CHST11: variants seen among roughly 807,000 people sequenced by gnomAD.
CHST11 encodes the protein carbohydrate sulfotransferase 11.
CHST11 carries 9 observed loss-of-function variants against 30.4 expected under a neutral mutation model. That is an observed-to-expected ratio of 0.30 (90% CI 0.18 to 0.52). The LOEUF (loss-of-function observed/expected upper bound fraction) is 0.52, where lower values mean the gene tolerates loss of function less well. Ranked by LOEUF, CHST11 falls within the 20% of genes least tolerant of loss-of-function variation. The pLI is 0.97. For missense variants in CHST11, 348 were observed against 460.6 expected, an observed-to-expected ratio of 0.76 and a Z score of 2.24; for synonymous variants, 152 against 187.8, an observed-to-expected ratio of 0.81 and a Z score of 1.56.
chr12:104,586,631 A>G (rs2038806961), intron 1 of CHST11, among the ~76,000 whole-genome samples: 1 of 152,256 alleles, frequency 6.6e-6, no homozygotes, highest in Admixed American at 6.5e-5. Context: ...AGGTTGTAAA[A>G]TCAGACTTGG....
At chr12:104,489,711 C>T (rs961023691) in intron 1 of CHST11, among the ~76,000 whole-genome samples, 1 of 152,130 alleles carries the variant, frequency 6.6e-6, no homozygotes, top group African/African-American at 2.4e-5. Context: ...GATCTACCCA[C>T]CTCGGCCTCC....
chr12:104,703,885 G>A (rs2040010468), intron 2 of CHST11, among the ~76,000 whole-genome samples: 2 of 152,190 alleles, frequency 1.3e-5, no homozygotes, highest in South Asian at 2.1e-4. Flanking sequence ...TATCATCGAC[G>A]CCTGGTTTTG....
intron 2 of CHST11, among the ~76,000 whole-genome samples, chr12:104,720,290 T>G (rs983596063): frequency 2.0e-5 from 3 of 152,236 alleles, no homozygotes; most frequent in African/African-American, 7.2e-5. Flanking sequence ...GTACCAGGAT[T>G]TTCCCTTTTT....
At chr12:104,733,960 G>A (rs1474815144) in intron 2 of CHST11, among the ~76,000 whole-genome samples, 2 of 152,250 alleles carry the variant, frequency 1.3e-5, no homozygotes, top group East Asian at 1.9e-4. Flanking sequence ...TGGCAAAAGT[G>A]TGTGCCTGTG....
intron 1 of CHST11, among the ~76,000 whole-genome samples, chr12:104,488,654 TGTATGTGTGC>T (rs2037712859): frequency 2.0e-5 from 3 of 151,450 alleles, no homozygotes; most frequent in South Asian, 4.2e-4. Context: ...TATGTGTGTG[TGTATGTGTGC>T]GTGTATGTGT....
intron 1 of CHST11, among the ~76,000 whole-genome samples, chr12:104,476,111 AAAT>A (rs146903339): frequency 0.13 from 18,860 of 144,346 alleles, 1,401 homozygotes; most frequent in South Asian, 0.19. Flanking sequence ...ATATAAATAT[AAAT>A]AATAATATAT....
chr12:104,477,960 C>A (rs898710346), intron 1 of CHST11, among the ~76,000 whole-genome samples: 1 of 152,172 alleles, frequency 6.6e-6, no homozygotes, highest in Non-Finnish European at 1.5e-5. Flanking sequence ...GGTCTAAGAG[C>A]TCTTCACATG....
Position 104,583,401 on chromosome 12 carries a change from C to G in CHST11, c.119-18505C>G, listed in dbSNP as rs113299850. On this transcript the variant is annotated intron_variant, in intron 1 of 2. Coordinates refer to ENST00000303694, the MANE Select transcript of CHST11 (RefSeq NM_018413.6). ...CATCTTGGATTCACAAGAAGGGAAGCAGGGAGTGAGGGAGATTGGGGGACC... is the reference window on the plus strand; with the variant it reads ...CATCTTGGATTCACAAGAAGGGAAGGAGGGAGTGAGGGAGATTGGGGGACC... Among the ~76,000 whole-genome samples, 1,129 of 152,172 alleles carry G rather than the reference C, an allele frequency of 7.4e-3. 11 individuals carry two copies. The highest frequency in any genetic ancestry group is 0.025 in the African/African-American group (1,044 of 41,526).
intron 1 of CHST11, 111 bp downstream of exon 1, chr12:104,457,640 T>C: frequency 1.2e-6 from 1 of 819,904 alleles, no homozygotes; most frequent in Non-Finnish European, 2.1e-6. Flanking sequence ...CTTCGGCCTC[T>C]TCGGGGCTCC....
intron 1 of CHST11, among the ~76,000 whole-genome samples, chr12:104,482,854 A>T (rs2037640330): frequency 6.6e-6 from 1 of 151,850 alleles, no homozygotes; most frequent in Admixed American, 6.6e-5. Flanking sequence ...AAATGTCCCC[A>T]CTTCTTCTGT....
chr12:104,704,398 CG>C (rs1394820802), intron 2 of CHST11, among the ~76,000 whole-genome samples: 6 of 152,156 alleles, frequency 3.9e-5, no homozygotes, highest in Admixed American at 6.5e-5. Context: ...CTGCGGGAGC[CG>C]GGCAGCAGCC....
At chr12:104,686,054 C>G (rs546143071) in intron 2 of CHST11, among the ~76,000 whole-genome samples, 57 of 151,576 alleles carry the variant, frequency 3.8e-4, no homozygotes, top group African/African-American at 1.3e-3. Flanking sequence ...TTAGTGAGAC[C>G]CTCATCTCTA....
At chr12:104,497,111 ATATTGTCATTTTTG>A (rs1298718121) in intron 1 of CHST11, among the ~76,000 whole-genome samples, 1 of 152,202 alleles carries the variant, frequency 6.6e-6, no homozygotes, top group African/African-American at 2.4e-5. Context: ...CAAAGGACAG[ATATTGTCATTTTTG>A]TTTGCTGCAG....
At position 104,759,765 on chromosome 12, in the gene CHST11, A is replaced by G. The variant is rs2040509249; in HGVS notation, c.*1962A>G. 1.3e-5 allele frequency: 2 copies of G among 152,178 alleles called. No individual in the cohort carries two copies. The highest frequency in any genetic ancestry group is 2.9e-5 in the Non-Finnish European group (2 of 68,028). 9.4% of individuals were successfully genotyped at this position (152,178 alleles called of 1,614,324 possible). A position where few individuals can be genotyped will look rare whatever the true frequency, so the allele number is the denominator to read the frequency against. The stretch of plus-strand genomic sequence containing the variant: ...TCTCCCCTTTGTGAAGGGCGCAGCA[A>G]CTATACCCTTGATGGATGGAGATTT... On this transcript the variant is annotated 3_prime_UTR_variant, in exon 3 of 3. Transcript: ENST00000303694.
chr12:104,721,261 G>T (rs1384826259), intron 2 of CHST11, among the ~76,000 whole-genome samples: 2 of 152,112 alleles, frequency 1.3e-5, no homozygotes, highest in Non-Finnish European at 2.9e-5. Context: ...CTCTGGTGGG[G>T]CTTATCTCTG....
At chr12:104,532,862 G>A (rs1232502574) in intron 1 of CHST11, among the ~76,000 whole-genome samples, 5 of 152,008 alleles carry the variant, frequency 3.3e-5, no homozygotes, top group African/African-American at 1.2e-4. Context: ...ATAACCCTCT[G>A]GATGGTCTCA....
chr12:104,577,360 G>A (rs986947572), intron 1 of CHST11, among the ~76,000 whole-genome samples: 1 of 145,880 alleles, frequency 6.9e-6, no homozygotes, highest in Non-Finnish European at 1.5e-5. Context: ...TTCACGTTGT[G>A]TTCATGCAGC....
At chr12:104,507,255 A>G (rs145657801) in intron 1 of CHST11, among the ~76,000 whole-genome samples, 9 of 152,294 alleles carry the variant, frequency 5.9e-5, no homozygotes, top group Admixed American at 2.0e-4. Flanking sequence ...ATGACTGGAG[A>G]GGGCGAATGC....
At chr12:104,544,448 G>A (rs2038322549) in intron 1 of CHST11, among the ~76,000 whole-genome samples, 1 of 152,096 alleles carries the variant, frequency 6.6e-6, no homozygotes, top group Non-Finnish European at 1.5e-5. Context: ...CGGGCACGGT[G>A]GCTTACACCT....
Sources: gnomAD v4.1 joint callset for allele counts (sites outside exome capture counted in the v4.1 genomes callset) on GRCh38, gnomAD v4.1.1 for gene constraint, MANE v1.5 for transcripts, NCBI Gene and HGNC (gene_info 2026-07-23, HGNC 2026-07-21) for gene names.